Variants in CASP5 observed in about 807,000 individuals in gnomAD.
CASP5 encodes the protein caspase-5.
A neutral mutation model predicts 45.2 loss-of-function variants in CASP5; 42 were observed. The ratio of observed to expected loss-of-function variants is 0.93; its 90% confidence interval spans 0.73 to 1.20. CASP5 has a LOEUF of 1.20. CASP5 is among the 50% of genes most tolerant of loss of function. CASP5 has a pLI of 0.00. For missense variants in CASP5, 512 were observed against 532.2 expected (o/e 0.96, Z 0.37); for synonymous variants, 209 against 186.2 (o/e 1.12, Z -1.00).
At chr11:104,998,566 A>G (rs898267255) in intron 7 of CASP5, among the ~76,000 whole-genome samples, 2 of 152,224 alleles carry the variant, frequency 1.3e-5, no homozygotes, top group African/African-American at 4.8e-5. Flanking sequence ...AAATGGATTT[A>G]TTAAAAAAAC....
chr11:104,999,984 G>A (rs1861646343), intron 6 of CASP5, among the ~76,000 whole-genome samples: 1 of 152,172 alleles, frequency 6.6e-6, no homozygotes. Flanking sequence ...CCATTTCAAA[G>A]TTTGAATATT....
chr11:105,000,763 A>T (rs1157118606), intron 5 of CASP5, among the ~76,000 whole-genome samples: 1 of 150,680 alleles, frequency 6.6e-6, no homozygotes, highest in African/African-American at 2.5e-5. Flanking sequence ...TATGTTACTT[A>T]TATTACTTTT....
chr11:105,006,935 T>C, intron 3 of CASP5, 148 bp downstream of exon 3: 1 of 726,482 alleles, frequency 1.4e-6, no homozygotes, highest in Non-Finnish European at 2.3e-6. Context: ...AAAGACAAGG[T>C]GGTCTCTAAC....
intron 1 of CASP5, among the ~76,000 whole-genome samples, chr11:105,014,974 C>T (rs915370033): frequency 6.6e-6 from 1 of 152,150 alleles, no homozygotes; most frequent in Non-Finnish European, 1.5e-5. Context: ...GAGGGCTGGT[C>T]CCCTAACAGA....
rs576734641 is a variant in CASP5 at position 105,016,816 on chromosome 11, G to C, written c.7+6314C>G. Among the ~76,000 whole-genome samples, 164 of 152,082 alleles carry C rather than the reference G, an allele frequency of 1.1e-3. 2 individuals are homozygous for C. The highest frequency in any genetic ancestry group is 9.6e-4 in the Non-Finnish European group (65 of 67,980). ...GGTGGAGCCCACCACAGCTCAAGGA[G>C]GCCTGCCTGCCTCTGTAGGCTCCAC... On this transcript the variant is annotated intron_variant, in intron 1 of 9. Transcript: ENST00000260315.
chr11:104,995,671 G>T, intron 9 of CASP5, 69 bp downstream of exon 9: 1 of 941,038 alleles, frequency 1.1e-6, no homozygotes, highest in Non-Finnish European at 1.7e-6. Flanking sequence ...AGCTGTCATT[G>T]GTCATTGAAC....
At chr11:105,012,114 G>C (rs1298725894) in intron 1 of CASP5, among the ~76,000 whole-genome samples, 3 of 151,578 alleles carry the variant, frequency 2.0e-5, no homozygotes, top group Non-Finnish European at 4.4e-5. Flanking sequence ...AAACAAAAAG[G>C]CCAGAAATAA....
chr11:105,007,074 C>T lies in CASP5; in HGVS notation c.433+9G>A, dbSNP rs1862033777. On this transcript the variant is annotated intron_variant, in intron 3 of 9. Transcript: ENST00000260315. ...TTTAACATATTTATCGTGTTAGATG[C>T]AACCTTACGTTTTACACTGGTGATC... 1 of 1,605,156 alleles carries T rather than the reference C, an allele frequency of 6.2e-7. No homozygotes were observed. Among genetic ancestry groups the T allele is most frequent in the Non-Finnish European group, 8.5e-7 (1 of 1,176,028 alleles).
chr11:105,018,958 T>A (rs1325760443), intron 1 of CASP5, among the ~76,000 whole-genome samples: 71 of 150,628 alleles, frequency 4.7e-4, no homozygotes, highest in African/African-American at 1.6e-3. Context: ...AAACTATCTC[T>A]CAGACCACAG....
chr11:104,997,407 G>T lies in CASP5; in HGVS notation c.1182C>A (p.Cys394Ter). The T allele has an allele frequency of 6.2e-7, 1 of 1,609,560 alleles. No homozygotes were observed. Among genetic ancestry groups the T allele is most frequent in the South Asian group, 1.1e-5 (1 of 90,988 alleles). ...CCTTCCGAAATATTTCCATTAGGTG[G>T]CAGCAGCAAGAATATTTCTGGAAGC... ...ITCFQKYSCCCHLMEIFRKVQ... is the reference protein window; with the variant it reads ...ITCFQKYSCC Residue 394 changes from cysteine (C) to a stop codon, truncating the protein, a stop_gained, in exon 8 of 10, where the codon TGC becomes TGA. Transcript: ENST00000260315. LOFTEE classifies it high-confidence loss of function.
intron 1 of CASP5, among the ~76,000 whole-genome samples, chr11:105,021,153 T>A (rs929547794): frequency 6.6e-6 from 1 of 151,146 alleles, no homozygotes; most frequent in Admixed American, 6.6e-5. Context: ...TATACAAAAA[T>A]TAATTCAAGA....
intron 1 of CASP5, among the ~76,000 whole-genome samples, chr11:105,009,830 T>TATATATACAC (rs759904947): frequency 2.1e-5 from 1 of 47,594 alleles, no homozygotes; most frequent in African/African-American, 1.6e-4. Context: ...TATATACACA[T>TATATATACAC]ATATATATAC....
chr11:105,010,509 AT>A (rs1451696938), intron 1 of CASP5, among the ~76,000 whole-genome samples: 5 of 135,196 alleles, frequency 3.7e-5, no homozygotes, highest in Admixed American at 3.5e-4. Context: ...ATCAGTAATT[AT>A]CATTATTATT....
intron 3 of CASP5, among the ~76,000 whole-genome samples, chr11:105,006,283 C>A (rs1861996673): frequency 6.6e-6 from 1 of 152,120 alleles, no homozygotes; most frequent in Non-Finnish European, 1.5e-5. Flanking sequence ...TTTGTAGCGC[C>A]CAAATAATAA....
intron 2 of CASP5, among the ~76,000 whole-genome samples, chr11:105,008,012 A>G (rs1862093422): frequency 6.6e-6 from 1 of 152,160 alleles, no homozygotes; most frequent in African/African-American, 2.4e-5. Flanking sequence ...TTTATGTGAC[A>G]TCAGGTTAAT....
chr11:105,007,202 T>A lies in CASP5; in HGVS notation c.314A>T (p.Asp105Val). ...LKEEEKKKYY[D>V]TKIEDKALIL... ...CAGGGCCTTGTCTTCAATTTTGGTA[T>A]CATAATATTTTTTCTTTTCCTCTTC... The change falls in exon 3 of 10, where the codon GAT (aspartate) becomes GTT (valine). Residue 105 changes from aspartate to valine, a missense_variant. Coordinates refer to ENST00000260315, the MANE Select transcript of CASP5 (RefSeq NM_004347.5). 1.2e-6 allele frequency: 2 copies of A among 1,613,830 alleles called. No homozygotes were observed. Among genetic ancestry groups the A allele is most frequent in the Non-Finnish European group, 1.7e-6 (2 of 1,179,820 alleles).
chr11:105,000,602 G>T (rs1861678754), intron 5 of CASP5, 107 bp from the exon 6 acceptor site: 2 of 996,214 alleles, frequency 2.0e-6, no homozygotes, highest in Non-Finnish European at 3.0e-6. Flanking sequence ...TCCGGGTCGT[G>T]GTGCTTCACA....
chr11:104,998,364 C>T (rs1861560881), intron 7 of CASP5, among the ~76,000 whole-genome samples: 1 of 152,116 alleles, frequency 6.6e-6, no homozygotes, highest in Admixed American at 6.5e-5. Context: ...CGACTGTTTC[C>T]TGTAATTAGA....
intron 1 of CASP5, 70 bp downstream of exon 1, chr11:105,023,060 A>G (rs1863055428): frequency 2.1e-6 from 3 of 1,415,452 alleles, no homozygotes; most frequent in East Asian, 2.5e-5. Flanking sequence ...TGCCTGTCAC[A>G]TAGCAATAAA....
Sources: allele counts gnomAD v4.1 joint callset (sites outside exome capture counted in the v4.1 genomes callset), GRCh38; gene constraint gnomAD v4.1.1; transcripts MANE v1.5; gene names NCBI Gene and HGNC (gene_info 2026-07-23, HGNC 2026-07-21).